The following CDH12 variants were observed in gnomAD, a reference collection of about 807,000 sequenced individuals.
CDH12 encodes the protein cadherin 12.
Under a neutral mutation model 74.1 loss-of-function variants are expected in CDH12, and 41 were observed. That is an observed-to-expected ratio of 0.55 (90% confidence interval 0.43 to 0.72). The LOEUF (loss-of-function observed/expected upper bound fraction) is 0.72, where lower values mean the gene tolerates loss of function less well. CDH12 is among the 30% of genes least tolerant of loss of function. The probability of loss-of-function intolerance (pLI) is 0.00; values close to 1 mark genes in which losing one functional copy is unlikely to be tolerated. For missense variants in CDH12, 945 were observed against 977.2 expected (o/e 0.97, Z 0.44); for synonymous variants, 399 against 355.0 (o/e 1.12, Z -1.39).
In CDH12 at chr5:22,698,720, T is replaced by C. The variant is rs867896508; in HGVS notation, c.-523+154338A>G. 1.1e-3 allele frequency among the ~76,000 whole-genome samples: 20 copies of C among 18,214 alleles called. 2 individuals are homozygous for C. The highest frequency in any genetic ancestry group is 2.4e-3 in the South Asian group (1 of 420). 11.9% of individuals were successfully genotyped at this position (18,214 alleles called of 152,430 possible). On this transcript the variant is annotated intron_variant, in intron 1 of 14. Coordinates refer to ENST00000382254, the MANE Select transcript of CDH12 (RefSeq NM_004061.5). ...ATATATATATATATATATATATATA[T>C]ATATATATATATATAGTGTGTGTGT... is the stretch of plus-strand genomic sequence containing the variant.
chr5:22,343,664 T>A (rs997469161), intron 3 of CDH12, among the ~76,000 whole-genome samples: 2 of 151,954 alleles, frequency 1.3e-5, no homozygotes, highest in African/African-American at 4.8e-5. Context: ...ATGATCTGCC[T>A]GCCTCAGCCT....
chr5:22,049,510 A>G (rs765692896), intron 5 of CDH12, among the ~76,000 whole-genome samples: 7 of 152,028 alleles, frequency 4.6e-5, no homozygotes, highest in Non-Finnish European at 7.4e-5. Flanking sequence ...GCAGCCTTTG[A>G]TTTTAAAATA....
intron 4 of CDH12, among the ~76,000 whole-genome samples, chr5:22,202,981 C>T (rs985601347): frequency 6.6e-6 from 1 of 152,010 alleles, no homozygotes; most frequent in African/African-American, 2.4e-5. Flanking sequence ...TTAATTGACA[C>T]ATAATAATTG....
At chr5:21,791,608 A>G (rs969789322) in intron 10 of CDH12, among the ~76,000 whole-genome samples, 3 of 150,900 alleles carry the variant, frequency 2.0e-5, no homozygotes, top group Non-Finnish European at 4.4e-5. Flanking sequence ...TAAGTGAAAA[A>G]ACGATTATAT....
intron 2 of CDH12, among the ~76,000 whole-genome samples, chr5:22,466,446 G>T (rs1745732578): frequency 6.6e-6 from 1 of 152,114 alleles, no homozygotes; most frequent in African/African-American, 2.4e-5. Flanking sequence ...GTATGATTGG[G>T]TTTGGGTTTG....
intron 1 of CDH12, among the ~76,000 whole-genome samples, chr5:22,740,873 AAT>A (rs1454764711): frequency 6.6e-5 from 10 of 152,160 alleles, no homozygotes; most frequent in Non-Finnish European, 1.0e-4. Flanking sequence ...TGAGAAAGGC[AAT>A]ATGTCTTGAA....
Position 21,970,839 on chromosome 5 carries a change from CAAAAAAAAAAAAAAAAAA to C in CDH12, c.526+4234_526+4251del, listed in dbSNP as rs1167373938. On this transcript the variant is annotated intron_variant, in intron 6 of 14. Coordinates refer to ENST00000382254, the MANE Select transcript of CDH12 (RefSeq NM_004061.5). ...TGGGCAATAGAGCAAGACTCTTTCT[CAAAAAAAAAAAAAAAAAA>C]AAAAAAAAAAAAAAAAAGAAAAAAG... is the stretch of plus-strand genomic sequence containing the variant. Among the ~76,000 whole-genome samples, 39 of 27,792 alleles carry C rather than the reference CAAAAAAAAAAAAAAAAAA, an allele frequency of 1.4e-3. 1 individual carries two copies. In the Admixed American group the frequency reaches 0.016, roughly 12 times the overall value. 18.2% of individuals were successfully genotyped at this position (27,792 alleles called of 152,430 possible).
intron 2 of CDH12, among the ~76,000 whole-genome samples, chr5:22,411,854 A>T (rs1173171720): frequency 6.6e-6 from 1 of 152,052 alleles, no homozygotes; most frequent in Non-Finnish European, 1.5e-5. Flanking sequence ...AGACTACCTC[A>T]TCAATTTCTC....
intron 1 of CDH12, among the ~76,000 whole-genome samples, chr5:22,741,304 C>T (rs1244072029): frequency 6.6e-6 from 1 of 152,078 alleles, no homozygotes; most frequent in African/African-American, 2.4e-5. Context: ...AGATTCTTTG[C>T]TTTTACATTT....
intron 6 of CDH12, among the ~76,000 whole-genome samples, chr5:21,901,861 C>A (rs1433078892): frequency 6.6e-6 from 1 of 151,984 alleles, no homozygotes; most frequent in Non-Finnish European, 1.5e-5. Flanking sequence ...ATTTCCTTCA[C>A]AAGTTTTGCT....
intron 11 of CDH12, 21 bp from the exon 12 acceptor site, chr5:21,765,120 T>A: frequency 6.7e-7 from 1 of 1,496,300 alleles, no homozygotes; most frequent in Non-Finnish European, 8.9e-7. Flanking sequence ...CATATAAAGA[T>A]AAAAGATGAT....
At position 21,813,165 on chromosome 5, in the gene CDH12, C is replaced by T. The variant is rs369234566; in HGVS notation, c.1002+3780G>A. On this transcript the variant is annotated intron_variant, in intron 9 of 14. Coordinates refer to ENST00000382254, the MANE Select transcript of CDH12 (RefSeq NM_004061.5). ...CTAGTTACTGTTCTCTTAAGACAAC[C>T]AGAGTCACTTGGGTCTACAAGGGTA... Among the ~76,000 whole-genome samples the T allele has an allele frequency of 1.1e-4, 16 of 152,122 alleles. No homozygotes were observed. In the East Asian group the frequency reaches 2.3e-3, roughly 22 times the overall value.
intron 4 of CDH12, among the ~76,000 whole-genome samples, chr5:22,162,527 A>G (rs1408694405): frequency 6.6e-6 from 1 of 152,190 alleles, no homozygotes; most frequent in African/African-American, 2.4e-5. Flanking sequence ...CAAGCTCCCA[A>G]TGCCAAAGTG....
intron 1 of CDH12, among the ~76,000 whole-genome samples, chr5:22,739,576 A>G (rs1306613604): frequency 6.6e-6 from 1 of 152,086 alleles, no homozygotes; most frequent in Non-Finnish European, 1.5e-5. Flanking sequence ...AACACTTAAC[A>G]TAAGACCTAT....
At chr5:22,276,534 C>T (rs1282615377) in intron 3 of CDH12, among the ~76,000 whole-genome samples, 1 of 152,048 alleles carries the variant, frequency 6.6e-6, no homozygotes, top group African/African-American at 2.4e-5. Flanking sequence ...TGAAATGTAC[C>T]ATGTATGTGA....
intron 1 of CDH12, among the ~76,000 whole-genome samples, chr5:22,587,029 T>C (rs1015338525): frequency 2.6e-5 from 4 of 151,792 alleles, no homozygotes; most frequent in Non-Finnish European, 5.9e-5. Flanking sequence ...AGAGATGGGG[T>C]TTCACCATGT....
intron 5 of CDH12, among the ~76,000 whole-genome samples, chr5:21,982,462 T>C: frequency 6.6e-6 from 1 of 151,742 alleles, no homozygotes; most frequent in South Asian, 2.1e-4. Flanking sequence ...TATATATTGA[T>C]ATATATATAC....
chr5:22,478,417 CAAAAAAAAAAAAA>C (rs34576542), intron 2 of CDH12, among the ~76,000 whole-genome samples: 1 of 88,508 alleles, frequency 1.1e-5, no homozygotes, highest in Non-Finnish European at 2.1e-5. Context: ...GACTCCGTCT[CAAAAAAAAAAAAA>C]AAAAAAAGAA....
At chr5:21,784,935 C>T (rs11744454) in intron 10 of CDH12, among the ~76,000 whole-genome samples, 4 of 151,878 alleles carry the variant, frequency 2.6e-5, no homozygotes, top group African/African-American at 4.8e-5. Flanking sequence ...TTCACTGTAT[C>T]GTACTTCACT....
Sources: gnomAD v4.1 joint callset for allele counts (sites outside exome capture counted in the v4.1 genomes callset) on GRCh38, gnomAD v4.1.1 for gene constraint, MANE v1.5 for transcripts, NCBI Gene and HGNC (gene_info 2026-07-23, HGNC 2026-07-21) for gene names.